The following TRAK1 variants were observed in gnomAD, a reference collection of about 807,000 sequenced individuals.
TRAK1 encodes the protein trafficking kinesin protein 1, also known as trafficking kinesin-binding protein 1.
TRAK1 carries 33 observed loss-of-function variants against 92.1 expected under a neutral mutation model. That is an observed-to-expected ratio of 0.36 (90% CI 0.27 to 0.48). TRAK1 has a LOEUF of 0.48. TRAK1 is among the 20% of genes least tolerant of loss of function. TRAK1 has a pLI of 0.99. For synonymous variants in TRAK1, 521 were observed against 517.3 expected, an observed-to-expected ratio of 1.01 and a Z score of -0.10; for missense variants, 1,123 against 1,257.9, an observed-to-expected ratio of 0.89 and a Z score of 1.62.
chr3:42,048,648 C>T (rs777272121), intron 1 of TRAK1, among the ~76,000 whole-genome samples: 1 of 151,012 alleles, frequency 6.6e-6, no homozygotes, highest in Non-Finnish European at 1.5e-5. Context: ...ACTGCAACCT[C>T]CACCCTGGGC....
chr3:42,072,207 A>G (rs762343702), intron 1 of TRAK1, among the ~76,000 whole-genome samples: 2 of 151,112 alleles, frequency 1.3e-5, no homozygotes, highest in South Asian at 2.1e-4. Context: ...TTGCAGAGCA[A>G]TGTCCTGTGG....
intron 1 of TRAK1, among the ~76,000 whole-genome samples, chr3:42,017,726 A>G (rs930258739): frequency 1.3e-5 from 2 of 152,234 alleles, no homozygotes; most frequent in African/African-American, 4.8e-5. Flanking sequence ...ATGATTCATT[A>G]TAGTGAGAAA....
chr3:42,065,699 G>T (rs973339989), intron 1 of TRAK1, among the ~76,000 whole-genome samples: 1 of 152,082 alleles, frequency 6.6e-6, no homozygotes, highest in African/African-American at 2.4e-5. Context: ...GTGCCATCAT[G>T]ACTCACTACA....
intron 1 of TRAK1, among the ~76,000 whole-genome samples, chr3:42,092,278 T>C (rs1320709553): frequency 6.6e-5 from 10 of 152,150 alleles, no homozygotes; most frequent in Admixed American, 1.3e-4. Flanking sequence ...TTCTGTCCTG[T>C]CTACACGCTG....
At chr3:42,035,471 A>G (rs985215336) in intron 1 of TRAK1, among the ~76,000 whole-genome samples, 1 of 152,170 alleles carries the variant, frequency 6.6e-6, no homozygotes, top group Non-Finnish European at 1.5e-5. Context: ...CACCACTGCC[A>G]TTACCCGTTC....
At chr3:42,194,362 A>G (rs1456099707) in intron 9 of TRAK1, among the ~76,000 whole-genome samples, 2 of 151,228 alleles carry the variant, frequency 1.3e-5, no homozygotes, top group Non-Finnish European at 2.9e-5. Context: ...CCTCCTGAGT[A>G]TCTGGGACTA....
At chr3:42,122,425 G>T (rs569342170) in intron 1 of TRAK1, among the ~76,000 whole-genome samples, 2 of 152,028 alleles carry the variant, frequency 1.3e-5, no homozygotes, top group African/African-American at 4.8e-5. Flanking sequence ...TGTTGTGTGG[G>T]TGTGTCATGC....
Position 42,199,239 on chromosome 3 carries a change from G to T in TRAK1, c.1176G>T (p.Glu392Asp). 1 of 1,614,014 alleles carries T rather than the reference G, an allele frequency of 6.2e-7. No homozygotes were observed. The highest frequency in any genetic ancestry group is 8.5e-7 in the Non-Finnish European group (1 of 1,180,026). The change falls in exon 11 of 16, where the codon GAG becomes GAT. Residue 392 changes from glutamate (E) to aspartate (D), a missense_variant. Glu to Asp is a conservative substitution (Grantham distance 45, BLOSUM62 2). Coordinates refer to ENST00000327628, the MANE Select transcript of TRAK1 (RefSeq NM_001042646.3). ...AGGAGCTGCAGTTGGAAGAGGCCGA[G>T]TCTCCAGACATCACGTACGGCCACA... ...MRKELQLEEA[E>D]SPDITHQKRV...
At chr3:42,038,842 A>G (rs1223716412) in intron 1 of TRAK1, among the ~76,000 whole-genome samples, 3 of 124,176 alleles carry the variant, frequency 2.4e-5, no homozygotes, top group East Asian at 2.2e-4. Flanking sequence ...CAGTCTCCCT[A>G]TGTTGCCCAG....
At chr3:42,104,949 CTTTT>C (rs34326359) in intron 1 of TRAK1, among the ~76,000 whole-genome samples, 29 of 130,750 alleles carry the variant, frequency 2.2e-4, no homozygotes, top group Admixed American at 2.4e-4. Flanking sequence ...AGCTAAAAAT[CTTTT>C]TTTTTTTTTT....
At chr3:42,096,099 A>C (rs1435918594) in intron 1 of TRAK1, among the ~76,000 whole-genome samples, 1 of 152,220 alleles carries the variant, frequency 6.6e-6, no homozygotes, top group Non-Finnish European at 1.5e-5. Context: ...ATTTTGCTCT[A>C]GCAGCCTGAA....
At chr3:42,221,515 C>T (rs1227182279) in intron 15 of TRAK1, among the ~76,000 whole-genome samples, 5 of 152,178 alleles carry the variant, frequency 3.3e-5, no homozygotes, top group Admixed American at 1.3e-4. Context: ...CTCTGGTCAT[C>T]GCAAAGACCT....
intron 11 of TRAK1, among the ~76,000 whole-genome samples, chr3:42,200,003 G>A (rs1707292444): frequency 6.6e-6 from 1 of 152,178 alleles, no homozygotes; most frequent in South Asian, 2.1e-4. Flanking sequence ...AATACACCTA[G>A]GGATATGAGC....
At chr3:42,024,115 G>A (rs1011537265) in intron 1 of TRAK1, among the ~76,000 whole-genome samples, 7 of 152,056 alleles carry the variant, frequency 4.6e-5, no homozygotes, top group South Asian at 2.1e-4. Context: ...CTGACACTTC[G>A]AAGAGGGATA....
At chr3:42,018,236 C>A (rs530633664) in intron 1 of TRAK1, among the ~76,000 whole-genome samples, 1 of 150,354 alleles carries the variant, frequency 6.7e-6, no homozygotes, top group Non-Finnish European at 1.5e-5. Context: ...CCATTGTACT[C>A]TAGCCTAGGT....
intron 1 of TRAK1, among the ~76,000 whole-genome samples, chr3:42,075,298 G>A (rs953389111): frequency 7.8e-6 from 1 of 128,876 alleles, no homozygotes; most frequent in Non-Finnish European, 1.5e-5. Context: ...CTGAGATAGC[G>A]CCATTGCACT....
chr3:42,129,186 G>C (rs1696867606), intron 2 of TRAK1, among the ~76,000 whole-genome samples: 1 of 152,124 alleles, frequency 6.6e-6, no homozygotes, highest in Admixed American at 6.6e-5. Flanking sequence ...TCGTGTGTTT[G>C]TTTACACGTG....
rs1375357635 is a variant in TRAK1, at chr3:42,159,627, G to T, written c.287-17187G>T. Among the ~76,000 whole-genome samples the T allele has an allele frequency of 3.9e-5, 6 of 152,194 alleles. No individual in the cohort carries two copies. The East Asian group carries it at 9.6e-4, about 24-fold the overall frequency. The stretch of plus-strand genomic sequence containing the variant: ...AAACACAGATTTAGGGTAAGAGCAG[G>T]ATTTTATGAAATGTAGATTGATAAA... On this transcript the variant is annotated intron_variant, in intron 2 of 15. Transcript: ENST00000327628.
At chr3:42,185,449 T>C (rs1315076155) in intron 4 of TRAK1, among the ~76,000 whole-genome samples, 3 of 152,164 alleles carry the variant, frequency 2.0e-5, no homozygotes, top group South Asian at 4.1e-4. Flanking sequence ...CGGCTTATCT[T>C]AGGGTATCTA....
Sources: gnomAD v4.1 joint callset for allele counts (sites outside exome capture counted in the v4.1 genomes callset) on GRCh38, gnomAD v4.1.1 for gene constraint, MANE v1.5 for transcripts, NCBI Gene and HGNC (gene_info 2026-07-23, HGNC 2026-07-21) for gene names.